Variants in PMP2 observed in about 807,000 individuals in gnomAD.
PMP2 encodes myelin P2 protein.
A neutral mutation model predicts 15.9 loss-of-function variants in PMP2; 11 were observed. The observed-to-expected ratio is 0.69, with a 90% CI of 0.44 to 1.14. The LOEUF (loss-of-function observed/expected upper bound fraction) is 1.14. PMP2 is among the 50% of genes most tolerant of loss of function. The pLI, the probability that PMP2 is intolerant of heterozygous loss-of-function variation, is 0.00. For synonymous variants in PMP2, 55 were observed against 54.1 expected, an observed-to-expected ratio of 1.02 and a Z score of -0.07; for missense variants, 151 against 154.0, an observed-to-expected ratio of 0.98 and a Z score of 0.10.
chr8:81,444,225 A>G (rs1211765032), intron 3 of PMP2, among the ~76,000 whole-genome samples: 1 of 152,216 alleles, frequency 6.6e-6, no homozygotes, highest in South Asian at 2.1e-4. Flanking sequence ...AGCCCAAACT[A>G]GTAAGATTTA....
At position 81,443,244 on chromosome 8, in the gene PMP2, C is replaced by CTT. The variant is rs1223606213; in HGVS notation, c.*152_*153dup. 8 of 522,098 alleles carry CTT rather than the reference C, an allele frequency of 1.5e-5. No homozygotes were observed. Among genetic ancestry groups the CTT allele is most frequent in the Admixed American group, 3.7e-5 (1 of 27,106 alleles). 32.3% of individuals were successfully genotyped at this position (522,098 alleles called of 1,614,324 possible). A position where few individuals can be genotyped will look rare whatever the true frequency, so the allele number is the denominator to read the frequency against. Reference sequence around the variant, plus strand: ...ATTGAAAATGTTTAAATAACACTGACTTTTAGATTAATTCTCAGTTTAGGC... The same window carrying CTT: ...ATTGAAAATGTTTAAATAACACTGACTTTTTTAGATTAATTCTCAGTTTAGGC... On this transcript the variant is annotated 3_prime_UTR_variant, in exon 4 of 4. Coordinates refer to ENST00000256103, the MANE Select transcript of PMP2 (RefSeq NM_002677.5).
intron 1 of PMP2, among the ~76,000 whole-genome samples, chr8:81,446,453 A>G (rs2129713662): frequency 6.6e-6 from 1 of 152,340 alleles, no homozygotes; most frequent in East Asian, 1.9e-4. Context: ...CATTTTATCT[A>G]AAATAGAACA....
Position 81,444,927 on chromosome 8 carries a change from T to C in PMP2, c.136A>G (p.Lys46Glu). Residue 46 changes from lysine (K) to glutamate (E), a missense_variant, in exon 2 of 4, where the codon AAA becomes GAA. Lys to Glu is a moderately conservative substitution (Grantham distance 56). Transcript: ENST00000256103. ...GTTCGTATAGTTATAATATCTCCTT[T>C]CTTGCTGATGATCACAGTGGGTTTG... is the stretch of plus-strand genomic sequence containing the variant. ...LAKPTVIISK[K>E]GDIITIRTES... 6 of 1,614,000 alleles carry C rather than the reference T, an allele frequency of 3.7e-6. No homozygotes were observed. The highest frequency in any genetic ancestry group is 5.1e-6 in the Non-Finnish European group (6 of 1,179,870).
rs370127629 is a variant in PMP2 at position 81,442,340 on chromosome 8, A to G, written c.*1058T>C. 8 of 152,652 alleles carry G rather than the reference A, an allele frequency of 5.2e-5. No homozygotes were observed. In the East Asian group the frequency reaches 9.6e-4, roughly 18 times the overall value. 9.5% of individuals were successfully genotyped at this position (152,652 alleles called of 1,614,324 possible). A position where few individuals can be genotyped will look rare whatever the true frequency, so the allele number is the denominator to read the frequency against. ...AATGGTCCCCCGTTCCTGCCTGTCA[A>G]CAATTACTGGACCTAATGATATGAC... is the stretch of plus-strand genomic sequence containing the variant. On this transcript the variant is annotated 3_prime_UTR_variant, in exon 4 of 4. Transcript: ENST00000256103.
chr8:81,444,683 A>G, intron 2 of PMP2, 82 bp from the exon 3 acceptor site: 1 of 1,365,670 alleles, frequency 7.3e-7, no homozygotes, highest in Non-Finnish European at 1.0e-6. Context: ...AACCATTTTC[A>G]TAATAGATAT....
At chr8:81,446,527 C>T (rs1384474852) in intron 1 of PMP2, among the ~76,000 whole-genome samples, 2 of 152,182 alleles carry the variant, frequency 1.3e-5, no homozygotes, top group African/African-American at 4.8e-5. Context: ...ACAGCAAACT[C>T]GGGTCACTGG....
chr8:81,442,992 T>G lies in PMP2; in HGVS notation c.*406A>C, dbSNP rs1807378320. On this transcript the variant is annotated 3_prime_UTR_variant, in exon 4 of 4. Coordinates refer to ENST00000256103, the MANE Select transcript of PMP2 (RefSeq NM_002677.5). ...GCCCATTCTCCTAGCTTGCCTCATT[T>G]CTGATGCTCCTTCCCCATATCTCCT... The G allele has an allele frequency of 6.5e-6, 1 of 154,634 alleles. No individual in the cohort carries two copies. The highest frequency in any genetic ancestry group is 2.4e-5 in the African/African-American group (1 of 41,534). The allele number at this position is 154,634 out of a possible 1,614,324, so 9.6% of individuals were successfully genotyped here.
intron 1 of PMP2, among the ~76,000 whole-genome samples, chr8:81,445,373 G>C (rs931971288): frequency 1.3e-5 from 2 of 152,008 alleles, no homozygotes; most frequent in African/African-American, 4.8e-5. Context: ...TACAGGGGCC[G>C]CCACCACGCC....
Position 81,441,574 on chromosome 8 carries a change from C to G in PMP2, c.*1824G>C, listed in dbSNP as rs1319007855. On this transcript the variant is annotated 3_prime_UTR_variant, in exon 4 of 4. Coordinates refer to ENST00000256103, the MANE Select transcript of PMP2 (RefSeq NM_002677.5). ...TCTATCTATCTATCTATATATCTAT[C>G]TATCATCTGTCAGTCATCTACCTAT... 2.6e-5 allele frequency: 4 copies of G among 151,420 alleles called. No individual in the cohort carries two copies. Among genetic ancestry groups the G allele is most frequent in the African/African-American group, 9.7e-5 (4 of 41,072 alleles). The allele number at this position is 151,420 out of a possible 1,614,324, so 9.4% of individuals were successfully genotyped here.
chr8:81,444,610 A>G lies in PMP2; in HGVS notation c.247-9T>C. On this transcript the variant is annotated splice_polypyrimidine_tract_variant and intron_variant, in intron 2 of 3. Transcript: ENST00000256103. ...TGCAGGGTTACGATGCTCTGCAAAG[A>G]CAAGGTCATGCAATTGACTTGCCTG... The G allele has an allele frequency of 1.2e-6, 2 of 1,604,206 alleles. No individual in the cohort carries two copies. Among genetic ancestry groups the G allele is most frequent in the Non-Finnish European group, 1.7e-6 (2 of 1,173,372 alleles).
At chr8:81,443,979 A>G (rs1338190717) in intron 3 of PMP2, among the ~76,000 whole-genome samples, 1 of 152,048 alleles carries the variant, frequency 6.6e-6, no homozygotes, top group Non-Finnish European at 1.5e-5. Flanking sequence ...AAAAAAAAAA[A>G]TCATCAAAGG....
intron 1 of PMP2, among the ~76,000 whole-genome samples, 198 bp downstream of exon 1, chr8:81,447,111 TTTAAG>T (rs1404422067): frequency 1.3e-5 from 2 of 152,176 alleles, no homozygotes; most frequent in African/African-American, 4.8e-5. Flanking sequence ...AGCTCTCTCA[TTTAAG>T]TTAATTCTAT....
At chr8:81,447,066 C>T (rs559500542) in intron 1 of PMP2, among the ~76,000 whole-genome samples, 39 of 152,266 alleles carry the variant, frequency 2.6e-4, no homozygotes, top group African/African-American at 8.7e-4. Flanking sequence ...TATGAAATTG[C>T]CCTTGAAATC....
In PMP2 at chr8:81,441,409, A is replaced by T. The variant is rs115975366; in HGVS notation, c.*1989T>A. 1 of 152,116 alleles carries T rather than the reference A, an allele frequency of 6.6e-6. No individual in the cohort carries two copies. The highest frequency in any genetic ancestry group is 2.4e-5 in the African/African-American group (1 of 41,450). 9.4% of individuals were successfully genotyped at this position (152,116 alleles called of 1,614,324 possible). On this transcript the variant is annotated 3_prime_UTR_variant, in exon 4 of 4. Coordinates refer to ENST00000256103, the MANE Select transcript of PMP2 (RefSeq NM_002677.5). Reference sequence around the variant, plus strand: ...TTGATTGATAATTCTTGCCTGAGCCATATTTACTGTGATGGTTGAAAAATG... The same window carrying T: ...TTGATTGATAATTCTTGCCTGAGCCTTATTTACTGTGATGGTTGAAAAATG...
intron 3 of PMP2, among the ~76,000 whole-genome samples, chr8:81,444,127 T>A (rs552150973): frequency 6.6e-6 from 1 of 152,338 alleles, no homozygotes; most frequent in South Asian, 2.1e-4. Flanking sequence ...CTGCAAATAG[T>A]CTACAAATGA....
At chr8:81,446,931 T>C (rs1358112441) in intron 1 of PMP2, among the ~76,000 whole-genome samples, 12 of 152,220 alleles carry the variant, frequency 7.9e-5, no homozygotes, top group Non-Finnish European at 1.3e-4. Context: ...ATTTGCAATA[T>C]ATTCAATTCC....
In PMP2 at chr8:81,440,459, C is replaced by T. The variant is rs754760513; in HGVS notation, c.*2939G>A. 5.3e-5 allele frequency: 8 copies of T among 152,028 alleles called. No homozygotes were observed. Among genetic ancestry groups the T allele is most frequent in the Non-Finnish European group, 1.0e-4 (7 of 67,994 alleles). The allele number at this position is 152,028 out of a possible 1,614,324, so 9.4% of individuals were successfully genotyped here. ...GAGTTGGAGCCTGGCAACAAAACAA[C>T]AATAACAACAAACAACAACAATAAA... On this transcript the variant is annotated 3_prime_UTR_variant, in exon 4 of 4. Coordinates refer to ENST00000256103, the MANE Select transcript of PMP2 (RefSeq NM_002677.5).
chr8:81,444,259 A>G (rs994802652), intron 3 of PMP2, among the ~76,000 whole-genome samples: 9 of 152,162 alleles, frequency 5.9e-5, no homozygotes, highest in African/African-American at 1.9e-4. Flanking sequence ...TAACCTTACT[A>G]CCATTTTTAG....
intron 1 of PMP2, among the ~76,000 whole-genome samples, chr8:81,447,094 T>A (rs1380667818): frequency 6.6e-6 from 1 of 152,192 alleles, no homozygotes; most frequent in African/African-American, 2.4e-5. Flanking sequence ...ATTCCATGCA[T>A]TTAAGCAGCT....
Sources: allele counts gnomAD v4.1 joint callset (sites outside exome capture counted in the v4.1 genomes callset), GRCh38; gene constraint gnomAD v4.1.1; transcripts MANE v1.5; gene names NCBI Gene and HGNC (gene_info 2026-07-23, HGNC 2026-07-21).